Variants in MARK3 observed in about 807,000 individuals in gnomAD.
The protein encoded by MARK3 is microtubule affinity regulating kinase 3.
MARK3 carries 46 observed loss-of-function variants against 90.1 expected under a neutral mutation model. That is an observed-to-expected ratio of 0.51 (90% CI 0.40 to 0.65). The LOEUF (loss-of-function observed/expected upper bound fraction) is 0.65. Among genes scored for constraint, MARK3 ranks in the 30% least tolerant of loss-of-function variants. The probability of loss-of-function intolerance (pLI) is 0.00; values close to 1 mark genes in which losing one functional copy is unlikely to be tolerated. For synonymous variants in MARK3, 321 were observed against 332.6 expected, an observed-to-expected ratio of 0.97 and a Z score of 0.38; for missense variants, 818 against 947.2, an observed-to-expected ratio of 0.86 and a Z score of 1.79.
intron 7 of MARK3, among the ~76,000 whole-genome samples, chr14:103,465,007 G>A (rs888344995): frequency 2.6e-4 from 39 of 149,798 alleles, no homozygotes; most frequent in African/African-American, 8.4e-4. Flanking sequence ...TTGCTCTGTC[G>A]CCCAGGCTGG....
rs146208234 is a variant in MARK3, at chr14:103,503,619, C to T, written c.*392C>T. On this transcript the variant is annotated 3_prime_UTR_variant, in exon 18 of 18. Coordinates refer to ENST00000429436, the MANE Select transcript of MARK3 (RefSeq NM_001128918.3). ...ATCCGGTGCTAAAACATTACAGTTGCCAAGGAGGAAAATACTGAATGACTG... is the reference window on the plus strand; with the variant it reads ...ATCCGGTGCTAAAACATTACAGTTGTCAAGGAGGAAAATACTGAATGACTG... 200 of 181,090 alleles carry T rather than the reference C, an allele frequency of 1.1e-3. 1 individual carries two copies. The highest frequency in any genetic ancestry group is 4.5e-3 in the African/African-American group (189 of 42,418). 11.2% of individuals were successfully genotyped at this position (181,090 alleles called of 1,614,324 possible).
At chr14:103,420,265 G>A (rs2092151684) in intron 2 of MARK3, among the ~76,000 whole-genome samples, 1 of 151,626 alleles carries the variant, frequency 6.6e-6, no homozygotes, top group Admixed American at 6.6e-5. Context: ...GTCTTGCTCT[G>A]TCGCCCAGCC....
At chr14:103,429,906 A>G (rs2092529721) in intron 3 of MARK3, among the ~76,000 whole-genome samples, 2 of 152,172 alleles carry the variant, frequency 1.3e-5, no homozygotes, top group South Asian at 4.1e-4. Context: ...TTTCCCGGAA[A>G]AATTTTTACC....
At chr14:103,493,240 C>CTTTT (rs11437791) in intron 15 of MARK3, among the ~76,000 whole-genome samples, 353 of 122,966 alleles carry the variant, frequency 2.9e-3, no homozygotes, top group East Asian at 0.014. Flanking sequence ...GGGAGTATTC[C>CTTTT]TTTTTTTTTT....
intron 11 of MARK3, 193 bp from the exon 12 acceptor site, chr14:103,467,840 A>T (rs577670193): frequency 1.9e-5 from 9 of 480,292 alleles, no homozygotes; most frequent in Non-Finnish European, 3.3e-5. Flanking sequence ...TAAATACCTT[A>T]CCTTTAGTGT....
chr14:103,390,548 A>G (rs1477981162), intron 1 of MARK3, among the ~76,000 whole-genome samples: 2 of 152,188 alleles, frequency 1.3e-5, no homozygotes, highest in Non-Finnish European at 2.9e-5. Context: ...TGGGCCACAG[A>G]TAAAATACAC....
chr14:103,413,976 A>G (rs1053145860), intron 2 of MARK3, among the ~76,000 whole-genome samples: 2 of 152,132 alleles, frequency 1.3e-5, no homozygotes, highest in Admixed American at 6.6e-5. Flanking sequence ...AATAGTTTCC[A>G]GTGTTTGGCA....
At chr14:103,448,880 GTT>G (rs750412326) in intron 3 of MARK3, 37 bp from the exon 4 acceptor site, 14 of 685,376 alleles carry the variant, frequency 2.0e-5, no homozygotes, top group Non-Finnish European at 2.1e-5. Flanking sequence ...AATAACTTGT[GTT>G]GGGGGGATTA....
chr14:103,466,455 T>C lies in MARK3; in HGVS notation c.997+13T>C, dbSNP rs778802320. The stretch of plus-strand genomic sequence containing the variant: ...CAAAAAAGAATAGGTAATCACTCCA[T>C]GCCTGCATGTTCATGTGTTTTTGTC... On this transcript the variant is annotated intron_variant, in intron 10 of 17. Coordinates refer to ENST00000429436, the MANE Select transcript of MARK3 (RefSeq NM_001128918.3). 2.0e-6 allele frequency: 3 copies of C among 1,529,640 alleles called. No individual in the cohort carries two copies. The East Asian group carries it at 6.7e-5, about 34-fold the overall frequency. The allele number at this position is 1,529,640 out of a possible 1,614,324, so 94.8% of individuals were successfully genotyped here.
At chr14:103,462,150 C>T (rs143160742) in intron 6 of MARK3, among the ~76,000 whole-genome samples, 5 of 151,980 alleles carry the variant, frequency 3.3e-5, no homozygotes, top group Admixed American at 6.5e-5. Flanking sequence ...GGAATGTCAA[C>T]GGATAGGGTC....
At chr14:103,425,249 ATTATTTAT>A (rs71460674) in intron 2 of MARK3, among the ~76,000 whole-genome samples, 40 of 146,622 alleles carry the variant, frequency 2.7e-4, no homozygotes, top group African/African-American at 5.3e-4. Context: ...CTATTTATTT[ATTATTTAT>A]TTATTTATTT....
intron 6 of MARK3, among the ~76,000 whole-genome samples, chr14:103,459,315 G>T (rs1391625215): frequency 6.6e-6 from 1 of 152,112 alleles, no homozygotes; most frequent in African/African-American, 2.4e-5. Context: ...TTTATTTGAG[G>T]AGCCTGTTAG....
intron 2 of MARK3, among the ~76,000 whole-genome samples, chr14:103,427,687 AT>A (rs1487057995): frequency 6.6e-6 from 1 of 152,030 alleles, no homozygotes; most frequent in African/African-American, 2.4e-5. Context: ...TTAGGGGACT[AT>A]TTAGGGTAAC....
chr14:103,498,560 A>G (rs536646308), intron 16 of MARK3, 32 bp downstream of exon 16: 115 of 1,333,298 alleles, frequency 8.6e-5, no homozygotes, highest in Non-Finnish European at 1.0e-4. Context: ...TTATTTTTCA[A>G]TCCTCACTCC....
intron 5 of MARK3, among the ~76,000 whole-genome samples, chr14:103,454,597 A>G (rs2093233861): frequency 6.6e-6 from 1 of 152,094 alleles, no homozygotes; most frequent in South Asian, 2.1e-4. Context: ...TCCGGGACAT[A>G]TGTTTTATTG....
intron 16 of MARK3, chr14:103,499,468 C>A (rs929914063): frequency 1.2e-4 from 18 of 152,120 alleles, no homozygotes; most frequent in African/African-American, 4.1e-4. Context: ...AAAAGAAAAA[C>A]ATATTTTTTG....
At chr14:103,484,268 C>G (rs1250060508) in intron 14 of MARK3, among the ~76,000 whole-genome samples, 8 of 151,774 alleles carry the variant, frequency 5.3e-5, no homozygotes, top group Non-Finnish European at 1.2e-4. Flanking sequence ...ACCTCCATCT[C>G]CCGGGTTCAT....
At chr14:103,396,553 A>G (rs779653132) in intron 1 of MARK3, among the ~76,000 whole-genome samples, 25 of 152,292 alleles carry the variant, frequency 1.6e-4, no homozygotes, top group Non-Finnish European at 3.4e-4. Flanking sequence ...ACATGTCTTT[A>G]AAATTTAGCT....
intron 1 of MARK3, among the ~76,000 whole-genome samples, chr14:103,392,194 A>G (rs2090300578): frequency 6.6e-6 from 1 of 152,176 alleles, no homozygotes; most frequent in South Asian, 2.1e-4. Flanking sequence ...GAATTAACCT[A>G]TTCAGCAAGT....
Sources: allele counts gnomAD v4.1 joint callset (sites outside exome capture counted in the v4.1 genomes callset), GRCh38; gene constraint gnomAD v4.1.1; transcripts MANE v1.5; gene names NCBI Gene and HGNC (gene_info 2026-07-23, HGNC 2026-07-21).